The following ZNF664 variants were observed in gnomAD, a reference collection of about 807,000 sequenced individuals.
The protein encoded by ZNF664 is zinc finger Organ of Corti 1.
A neutral mutation model predicts 18.2 loss-of-function variants in ZNF664; 10 were observed. The observed-to-expected ratio is 0.55, with a 90% confidence interval of 0.34 to 0.93. The LOEUF (loss-of-function observed/expected upper bound fraction) is 0.93. Ranked by LOEUF, ZNF664 falls within the 40% of genes least tolerant of loss-of-function variation. The pLI is 0.02. For missense variants in ZNF664, 193 were observed against 319.0 expected (o/e 0.61, Z 3.01); for synonymous variants, 119 against 104.2 (o/e 1.14, Z -0.86).
rs941929154 is a variant in ZNF664 at position 124,013,122 on chromosome 12, C to T, written c.*192C>T. The T allele has an allele frequency of 4.7e-5, 37 of 795,386 alleles. No individual in the cohort carries two copies. The highest frequency in any genetic ancestry group is 9.0e-5 in the Admixed American group (3 of 33,508). The allele number at this position is 795,386 out of a possible 1,614,324, so 49.3% of individuals were successfully genotyped here. On this transcript the variant is annotated 3_prime_UTR_variant, in exon 5 of 5. Transcript: ENST00000337815. The stretch of plus-strand genomic sequence containing the variant: ...CCACAGGTTGACTTTGAATGTGGAC[C>T]TCTGAGCATCCACGCAGGATGGCTC...
chr12:123,995,428 A>G (rs1000952592), intron 3 of ZNF664, among the ~76,000 whole-genome samples: 5 of 152,202 alleles, frequency 3.3e-5, no homozygotes, highest in African/African-American at 1.2e-4. Flanking sequence ...ATGTCTGACA[A>G]GCTCCCAGGT....
chr12:124,007,259 T>C (rs1271386021), intron 3 of ZNF664, among the ~76,000 whole-genome samples: 2 of 152,232 alleles, frequency 1.3e-5, no homozygotes, highest in East Asian at 1.9e-4. Context: ...AGAAGAACTC[T>C]AGTGGGAGGT....
chr12:124,012,164 T>C lies in ZNF664; in HGVS notation c.20T>C (p.Met7Thr). Residue 7 changes from methionine (M) to threonine (T), a missense_variant, in exon 5 of 5, where the codon ATG (methionine) becomes ACG (threonine). Physicochemically the swap from Met to Thr is moderately conservative, Grantham distance 81. Coordinates refer to ENST00000337815, the MANE Select transcript of ZNF664 (RefSeq NM_152437.3). ...GGAAAAATGATCTACAAGTGCCCCA[T>C]GTGTAGGGAATTTTTCTCTGAGAGA... Reference protein sequence around the residue: MIYKCPMCREFFSERAD... With the variant: MIYKCPTCREFFSERAD... 6.2e-7 allele frequency: 1 copy of C among 1,611,582 alleles called. No homozygotes were observed. Among genetic ancestry groups the C allele is most frequent in the East Asian group, 2.2e-5 (1 of 44,856 alleles).
At chr12:123,990,040 G>A (rs1956871635) in intron 3 of ZNF664, among the ~76,000 whole-genome samples, 1 of 152,142 alleles carries the variant, frequency 6.6e-6, no homozygotes, top group Non-Finnish European at 1.5e-5. Flanking sequence ...TTGTGACCCA[G>A]GTATAAAAAT....
chr12:123,982,416 TCTGCCCTATGCTTCTATGTGTGC>T (rs950410118), intron 2 of ZNF664, among the ~76,000 whole-genome samples: 4 of 152,302 alleles, frequency 2.6e-5, no homozygotes, highest in African/African-American at 4.8e-5. Flanking sequence ...TCACTGTGTG[TCTGCCCTATGCTTCTATGTGTGC>T]CTGCCCTCCC....
Position 123,973,968 on chromosome 12 carries a change from G to A in ZNF664, c.-809G>A, listed in dbSNP as rs1956641756. The A allele has an allele frequency of 8.1e-7, 1 of 1,231,930 alleles. No individual in the cohort carries two copies. The highest frequency in any genetic ancestry group is 3.2e-5 in the East Asian group (1 of 31,710). The allele number at this position is 1,231,930 out of a possible 1,614,324, so 76.3% of individuals were successfully genotyped here. A position where few individuals can be genotyped will look rare whatever the true frequency, so the allele number is the denominator to read the frequency against. On this transcript the variant is annotated 5_prime_UTR_variant, in exon 2 of 5. Coordinates refer to ENST00000337815, the MANE Select transcript of ZNF664 (RefSeq NM_152437.3). The stretch of plus-strand genomic sequence containing the variant: ...CGCGCACCCAGCGCAGAAGGCTGCT[G>A]CCGCCGGACGCCTCCATTGTTTGAC...
chr12:123,974,288 C>G (rs557457877), intron 2 of ZNF664: 2 of 364,130 alleles, frequency 5.5e-6, no homozygotes, highest in East Asian at 7.9e-5. Context: ...CTGAACTGTT[C>G]TGGTTGCTAG....
In ZNF664 at chr12:124,013,716, G is replaced by A. The variant is rs1008778207; in HGVS notation, c.*786G>A. ...GAATGTAAATAGCAGGGAGGAAGAA[G>A]CAAGCAAAGTGAGAGCTTTTCTTCA... On this transcript the variant is annotated 3_prime_UTR_variant, in exon 5 of 5. Coordinates refer to ENST00000337815, the MANE Select transcript of ZNF664 (RefSeq NM_152437.3). 2 of 167,140 alleles carry A rather than the reference G, an allele frequency of 1.2e-5. No homozygotes were observed. The highest frequency in any genetic ancestry group is 1.9e-4 in the East Asian group (1 of 5,198). 10.4% of individuals were successfully genotyped at this position (167,140 alleles called of 1,614,324 possible). A position where few individuals can be genotyped will look rare whatever the true frequency, so the allele number is the denominator to read the frequency against.
At chr12:123,993,102 A>G (rs1370810347) in intron 3 of ZNF664, among the ~76,000 whole-genome samples, 2 of 152,218 alleles carry the variant, frequency 1.3e-5, no homozygotes, top group Non-Finnish European at 2.9e-5. Flanking sequence ...CTTAGTGGCC[A>G]CTTAAGAGGG....
chr12:123,996,305 A>G (rs560473695), intron 3 of ZNF664, among the ~76,000 whole-genome samples: 10 of 152,240 alleles, frequency 6.6e-5, no homozygotes, highest in Non-Finnish European at 1.2e-4. Context: ...TTGAATTACA[A>G]AGTTTCTGCT....
chr12:123,991,142 C>A (rs917191564), intron 3 of ZNF664, among the ~76,000 whole-genome samples: 2 of 152,132 alleles, frequency 1.3e-5, no homozygotes, highest in African/African-American at 4.8e-5. Flanking sequence ...GTATGTTACA[C>A]ATTTACTAGT....
intron 1 of ZNF664, 30 bp from the exon 2 acceptor site, chr12:123,973,856 C>T (rs1488057636): frequency 4.9e-6 from 6 of 1,231,442 alleles, no homozygotes; most frequent in African/African-American, 4.7e-5. Context: ...GCGGAGGAGC[C>T]GGCTGCATGG....
intron 3 of ZNF664, chr12:123,997,745 C>G (rs537685734): frequency 1.2e-4 from 18 of 152,310 alleles, no homozygotes; most frequent in Non-Finnish European, 2.6e-4. Context: ...TCTGGGGAGA[C>G]ACTATTCAAC....
At chr12:124,005,217 C>T (rs1566206866) in intron 3 of ZNF664, among the ~76,000 whole-genome samples, 2 of 152,146 alleles carry the variant, frequency 1.3e-5, no homozygotes, top group African/African-American at 4.8e-5. Flanking sequence ...TGTCACCACA[C>T]GAGTTGAACC....
At chr12:124,008,096 A>G (rs1457073863) in intron 3 of ZNF664, among the ~76,000 whole-genome samples, 1 of 152,052 alleles carries the variant, frequency 6.6e-6, no homozygotes, top group Non-Finnish European at 1.5e-5. Flanking sequence ...TATGTCTCAA[A>G]TCGCTTTCAT....
intron 3 of ZNF664, among the ~76,000 whole-genome samples, chr12:123,989,026 C>T (rs1312449121): frequency 7.9e-5 from 12 of 152,186 alleles, no homozygotes; most frequent in Admixed American, 7.9e-4. Context: ...CTGCCAGAGG[C>T]TGGTTTCTCA....
chr12:123,973,749 C>A, intron 1 of ZNF664, 137 bp from the exon 2 acceptor site: 2 of 1,220,028 alleles, frequency 1.6e-6, no homozygotes, highest in Non-Finnish European at 2.0e-6. Flanking sequence ...AGCGCTGCCG[C>A]CCTCGTCGCC....
chr12:124,000,576 C>G (rs1379650751), intron 3 of ZNF664, among the ~76,000 whole-genome samples: 1 of 152,200 alleles, frequency 6.6e-6, no homozygotes, highest in Non-Finnish European at 1.5e-5. Flanking sequence ...ATTTTCACAG[C>G]TATGAGTTGA....
intron 3 of ZNF664, among the ~76,000 whole-genome samples, chr12:124,005,226 C>G (rs1957057406): frequency 6.6e-6 from 1 of 152,138 alleles, no homozygotes; most frequent in African/African-American, 2.4e-5. Context: ...ACGAGTTGAA[C>G]CCAGGTTAAG....
Sources: gnomAD v4.1 joint callset for allele counts (sites outside exome capture counted in the v4.1 genomes callset) on GRCh38, gnomAD v4.1.1 for gene constraint, MANE v1.5 for transcripts, NCBI Gene and HGNC (gene_info 2026-07-23, HGNC 2026-07-21) for gene names.